SYNJ2: variants seen among roughly 807,000 people sequenced by gnomAD.
SYNJ2 encodes the protein synaptojanin 2, also known as polyphosphatidylinositol phosphatase SYNJ2.
In SYNJ2, 116 loss-of-function variants were observed where a neutral mutation model predicts 141.3. The observed-to-expected ratio is 0.82, with a 90% CI of 0.71 to 0.96. The LOEUF (loss-of-function observed/expected upper bound fraction) is 0.96, where lower values mean the gene tolerates loss of function less well. SYNJ2 is among the 40% of genes least tolerant of loss of function. SYNJ2 has a pLI of 0.00. For missense variants in SYNJ2, 1,873 were observed against 1,934.8 expected (o/e 0.97, Z 0.60); for synonymous variants, 745 against 777.7 (o/e 0.96, Z 0.70).
At chr6:158,036,563 G>C (rs533522306) in intron 4 of SYNJ2, among the ~76,000 whole-genome samples, 1 of 152,286 alleles carries the variant, frequency 6.6e-6, no homozygotes, top group African/African-American at 2.4e-5. Flanking sequence ...GGAGCTAAAT[G>C]ATGAGAACAC....
intron 1 of SYNJ2, among the ~76,000 whole-genome samples, chr6:157,991,377 G>A (rs1777418497): frequency 6.6e-6 from 1 of 152,176 alleles, no homozygotes; most frequent in Non-Finnish European, 1.5e-5. Context: ...TCTGGGGTGG[G>A]CCTTGAGAGC....
intron 4 of SYNJ2, among the ~76,000 whole-genome samples, chr6:158,033,964 G>A (rs1323476816): frequency 3.9e-5 from 6 of 152,238 alleles, no homozygotes; most frequent in Non-Finnish European, 1.5e-5. Context: ...TGCCTTGGTC[G>A]TGAAAGGTGG....
At chr6:158,086,784 G>C (rs1783063197) in intron 22 of SYNJ2, 71 bp from the exon 23 acceptor site, 1 of 1,561,838 alleles carries the variant, frequency 6.4e-7, no homozygotes, top group Non-Finnish European at 8.7e-7. Context: ...GGCCTCCTGT[G>C]CTCAGATCCG....
rs772930871 is a variant in SYNJ2 at position 158,081,292 on chromosome 6, G to A, written c.2751G>A (p.Gln917=). 1 of 1,614,180 alleles carries A rather than the reference G, an allele frequency of 6.2e-7. No individual in the cohort carries two copies. The highest frequency in any genetic ancestry group is 8.5e-7 in the Non-Finnish European group (1 of 1,180,030). The change falls in exon 19 of 27, where the codon CAG becomes CAA. Residue 917 remains glutamine (Q), a synonymous_variant. Coordinates refer to ENST00000355585, the MANE Select transcript of SYNJ2 (RefSeq NM_003898.4). ...AGGACCTGCGTACTGAGCTCATGCA[G>A]ACCTTGGGGAGTTATGGGACAATTG... ...FPEDLRTELM[Q]TLGSYGTIVL...
chr6:158,090,025 C>T (rs113029533), intron 25 of SYNJ2, 78 bp downstream of exon 25: 39 of 937,838 alleles, frequency 4.2e-5, no homozygotes, highest in South Asian at 1.5e-4. Flanking sequence ...GGTCTAGAAA[C>T]GAAAATAACT....
At chr6:157,998,927 G>A (rs1016563880) in intron 1 of SYNJ2, among the ~76,000 whole-genome samples, 5 of 152,224 alleles carry the variant, frequency 3.3e-5, no homozygotes, top group Admixed American at 3.3e-4. Flanking sequence ...GTGTCCGAAT[G>A]ATAGATTTGA....
chr6:158,026,776 G>A, intron 2 of SYNJ2: 2 of 970,642 alleles, frequency 2.1e-6, no homozygotes, highest in East Asian at 1.1e-4. Context: ...CCATCCTCCT[G>A]CCTCTCCGAG....
At chr6:158,091,260 G>A (rs1302767675) in intron 25 of SYNJ2, among the ~76,000 whole-genome samples, 2 of 151,952 alleles carry the variant, frequency 1.3e-5, no homozygotes, top group African/African-American at 4.8e-5. Context: ...AGCTCGCAGT[G>A]AGCCAAGATT....
At chr6:157,991,713 G>A (rs965072125) in intron 1 of SYNJ2, among the ~76,000 whole-genome samples, 4 of 152,204 alleles carry the variant, frequency 2.6e-5, no homozygotes, top group African/African-American at 9.6e-5. Context: ...CTTAGGAGAT[G>A]TGATCTGGCA....
chr6:158,043,540 G>T lies in SYNJ2; in HGVS notation c.795+141G>T. 1 of 638,280 alleles carries T rather than the reference G, an allele frequency of 1.6e-6. No individual in the cohort carries two copies. The highest frequency in any genetic ancestry group is 2.7e-6 in the Non-Finnish European group (1 of 364,228). The allele number at this position is 638,280 out of a possible 1,614,324, so 39.5% of individuals were successfully genotyped here. The stretch of plus-strand genomic sequence containing the variant: ...TTTTTCCTCAGCCCTGTTGTGTTGA[G>T]CTGAGCTATCAAAGTGTGCACACGT... On this transcript the variant is annotated intron_variant, in intron 5 of 26. Transcript: ENST00000355585. This position sits in a 1 kb window ranked among gnomAD's most constrained non-coding sequence, Gnocchi z 4.0.
rs951645514 is a variant in SYNJ2, at chr6:157,982,526, A to C, written c.127+438A>C. 6.6e-6 allele frequency among the ~76,000 whole-genome samples: 1 copy of C among 152,240 alleles called. No homozygotes were observed. The highest frequency in any genetic ancestry group is 2.4e-5 in the African/African-American group (1 of 41,454). Reference sequence around the variant, plus strand: ...GGAGGGGATGGGGACAAAAGCCCCAAAACATAGGCTCTGGAGAAACCGCTG... The same window carrying C: ...GGAGGGGATGGGGACAAAAGCCCCACAACATAGGCTCTGGAGAAACCGCTG... On this transcript the variant is annotated intron_variant, in intron 1 of 26. Transcript: ENST00000355585. This position sits in a 1 kb window ranked among gnomAD's most constrained non-coding sequence, Gnocchi z 4.0.
At chr6:158,037,964 A>G (rs1176562774) in intron 4 of SYNJ2, among the ~76,000 whole-genome samples, 1 of 152,208 alleles carries the variant, frequency 6.6e-6, no homozygotes, top group Non-Finnish European at 1.5e-5. Context: ...GGCTCTGGCC[A>G]CTTCGTGTCG....
In SYNJ2 at chr6:158,095,989, T is replaced by C; in HGVS notation, c.4116T>C (p.Pro1372=). 6.2e-7 allele frequency: 1 copy of C among 1,614,206 alleles called. No individual in the cohort carries two copies. Among genetic ancestry groups the C allele is most frequent in the Non-Finnish European group, 8.5e-7 (1 of 1,180,028 alleles). Residue 1372 remains proline, a synonymous_variant, in exon 27 of 27, where the codon CCT becomes CCC. Transcript: ENST00000355585. The part of the protein sequence containing the change: ...NSSDSPSGHP[P]AAGTVFPQGD... ...GTGACAGCCCCTCTGGGCACCCACC[T>C]GCCGCGGGCACCGTCTTCCCACAAG...
intron 21 of SYNJ2, 99 bp downstream of exon 21, chr6:158,083,696 G>A: frequency 1.3e-6 from 2 of 1,486,800 alleles, no homozygotes; most frequent in Non-Finnish European, 1.8e-6. Flanking sequence ...AGAAGTGACG[G>A]AGGACACCCG....
chr6:157,998,757 T>C (rs1171109327), intron 1 of SYNJ2, among the ~76,000 whole-genome samples: 1 of 152,086 alleles, frequency 6.6e-6, no homozygotes, highest in Non-Finnish European at 1.5e-5. Context: ...CTGACAGATA[T>C]GGGAAATATT....
intron 1 of SYNJ2, among the ~76,000 whole-genome samples, chr6:157,985,964 T>G (rs559290316): frequency 1.3e-5 from 2 of 152,248 alleles, no homozygotes; most frequent in East Asian, 3.9e-4. Context: ...CGAGGCCACG[T>G]CTCGAGTTTA....
intron 1 of SYNJ2, among the ~76,000 whole-genome samples, chr6:158,005,905 C>T (rs1778052045): frequency 6.6e-6 from 1 of 152,208 alleles, no homozygotes; most frequent in Non-Finnish European, 1.5e-5. Flanking sequence ...ACCTGCTCCC[C>T]GCAGTGCACT....
intron 1 of SYNJ2, among the ~76,000 whole-genome samples, chr6:157,993,916 A>G (rs1207975385): frequency 5.7e-5 from 8 of 139,908 alleles, no homozygotes; most frequent in African/African-American, 1.9e-4. Flanking sequence ...CCTGGTTCAC[A>G]CCATTCTCCT....
chr6:158,010,562 C>T (rs191593494), intron 1 of SYNJ2, among the ~76,000 whole-genome samples: 213 of 152,262 alleles, frequency 1.4e-3, no homozygotes, highest in African/African-American at 3.4e-3. Context: ...TTTAAAAGGA[C>T]GGGCCCACCA....
Sources: allele counts gnomAD v4.1 joint callset (sites outside exome capture counted in the v4.1 genomes callset), GRCh38; gene constraint gnomAD v4.1.1; non-coding constraint Gnocchi (gnomAD v3.1); transcripts MANE v1.5; gene names NCBI Gene and HGNC (gene_info 2026-07-23, HGNC 2026-07-21).